The following ST18 variants were observed in gnomAD, a reference collection of about 807,000 sequenced individuals.
The protein encoded by ST18 is suppression of tumorigenicity 18 protein.
Under a neutral mutation model 110.0 loss-of-function variants are expected in ST18, and 50 were observed. The observed-to-expected ratio is 0.45, with a 90% CI of 0.36 to 0.58. The LOEUF (loss-of-function observed/expected upper bound fraction) is 0.58. Among genes scored for constraint, ST18 ranks in the 20% least tolerant of loss-of-function variants. The probability of loss-of-function intolerance (pLI) is 0.00; values close to 1 mark genes in which losing one functional copy is unlikely to be tolerated. For synonymous variants in ST18, 461 were observed against 452.4 expected, an observed-to-expected ratio of 1.02 and a Z score of -0.24; for missense variants, 1,306 against 1,280.1, an observed-to-expected ratio of 1.02 and a Z score of -0.31.
At chr8:52,280,441 T>C (rs1279547870) in intron 2 of ST18, among the ~76,000 whole-genome samples, 3 of 152,182 alleles carry the variant, frequency 2.0e-5, no homozygotes, top group South Asian at 2.1e-4. Context: ...ATTTATATTA[T>C]GCATGACATG....
intron 2 of ST18, among the ~76,000 whole-genome samples, chr8:52,274,909 C>T (rs2095190256): frequency 6.6e-6 from 1 of 152,068 alleles, no homozygotes; most frequent in Non-Finnish European, 1.5e-5. Flanking sequence ...GTTTAAACTT[C>T]ATCTTTTTAC....
chr8:52,388,034 T>C (rs1380035346), intron 2 of ST18, among the ~76,000 whole-genome samples: 2 of 146,940 alleles, frequency 1.4e-5, no homozygotes, highest in African/African-American at 5.0e-5. Context: ...GGGGTCTATG[T>C]TTGCAGGGGA....
At chr8:52,153,459 G>A (rs188399758) in intron 15 of ST18, among the ~76,000 whole-genome samples, 113 of 152,322 alleles carry the variant, frequency 7.4e-4, no homozygotes, top group Non-Finnish European at 1.2e-3. Flanking sequence ...TGAAAGCTAT[G>A]TTAAATATGT....
At chr8:52,224,008 C>G (rs1397928037) in intron 3 of ST18, among the ~76,000 whole-genome samples, 1 of 152,138 alleles carries the variant, frequency 6.6e-6, no homozygotes, top group Non-Finnish European at 1.5e-5. Context: ...CCTTGAGAAC[C>G]TATCTCCACA....
At position 52,168,462 on chromosome 8, in the gene ST18, T is replaced by C. The variant is rs116481751; in HGVS notation, c.1070-1476A>G. Among the ~76,000 whole-genome samples, 918 of 152,114 alleles carry C rather than the reference T, an allele frequency of 6.0e-3. 16 individuals carry two copies. Among genetic ancestry groups the C allele is most frequent in the African/African-American group, 0.021 (856 of 41,472 alleles). ...CCTCTGCCATACCATGGCACCCCAG[T>C]TGCTGGATGATAAACAGTCCTAGGC... On this transcript the variant is annotated intron_variant, in intron 10 of 25. Transcript: ENST00000689386.
intron 2 of ST18, among the ~76,000 whole-genome samples, chr8:52,337,523 T>A (rs1590034743): frequency 6.6e-6 from 1 of 152,226 alleles, no homozygotes; most frequent in Non-Finnish European, 1.5e-5. Context: ...CTCAGACTGG[T>A]GATGTATCTA....
At chr8:52,263,615 T>C (rs866585519) in intron 2 of ST18, among the ~76,000 whole-genome samples, 1 of 146,294 alleles carries the variant, frequency 6.8e-6, no homozygotes, top group Non-Finnish European at 1.5e-5. Flanking sequence ...GTTTTGTTTT[T>C]TTTTTTTTTA....
At chr8:52,287,637 G>A (rs2095490655) in intron 2 of ST18, among the ~76,000 whole-genome samples, 1 of 152,184 alleles carries the variant, frequency 6.6e-6, no homozygotes, top group African/African-American at 2.4e-5. Flanking sequence ...GCTATGCAGA[G>A]TGTAAACTGT....
chr8:52,265,957 G>T (rs541974636), intron 2 of ST18, among the ~76,000 whole-genome samples: 2 of 152,188 alleles, frequency 1.3e-5, no homozygotes, highest in African/African-American at 2.4e-5. Context: ...AGGAGGTGAC[G>T]CCAGGAGAGG....
intron 18 of ST18, 120 bp downstream of exon 18, chr8:52,137,300 AC>A (rs1230252848): frequency 3.9e-6 from 4 of 1,021,098 alleles, no homozygotes; most frequent in Non-Finnish European, 5.6e-6. Flanking sequence ...AAGAAAATAA[AC>A]CAAAAACCCA....
At chr8:52,260,082 C>T (rs1182183141) in intron 2 of ST18, among the ~76,000 whole-genome samples, 2 of 152,190 alleles carry the variant, frequency 1.3e-5, no homozygotes, top group Admixed American at 6.5e-5. Context: ...CAGTGATTCG[C>T]TCCATCAGGA....
At chr8:52,382,074 T>C (rs1337838006) in intron 2 of ST18, among the ~76,000 whole-genome samples, 5 of 152,102 alleles carry the variant, frequency 3.3e-5, no homozygotes, top group African/African-American at 7.2e-5. Context: ...GATTCAATAG[T>C]AGTTAGGGAT....
chr8:52,166,080 G>C (rs1241468477), intron 11 of ST18, among the ~76,000 whole-genome samples: 1 of 152,300 alleles, frequency 6.6e-6, no homozygotes, highest in African/African-American at 2.4e-5. Flanking sequence ...GAGGCCAGGA[G>C]GACCATGGTG....
chr8:52,283,046 G>T (rs555063037), intron 2 of ST18, among the ~76,000 whole-genome samples: 3 of 152,184 alleles, frequency 2.0e-5, no homozygotes, highest in Non-Finnish European at 4.4e-5. Context: ...GGTGATCAAG[G>T]TTGGATCAGG....
chr8:52,133,224 T>C lies in ST18; in HGVS notation c.2363+15A>G, dbSNP rs1297572754. 6.2e-7 allele frequency: 1 copy of C among 1,614,082 alleles called. No homozygotes were observed. Among genetic ancestry groups the C allele is most frequent in the African/African-American group, 1.3e-5 (1 of 75,002 alleles). On this transcript the variant is annotated intron_variant, in intron 20 of 25. Transcript: ENST00000689386. ...CAAGCTCATTTCCACATCTCAGAAA[T>C]AAGATCAATCCTACCTTCTGTGGGA...
At chr8:52,342,592 C>A (rs1815619630) in intron 2 of ST18, among the ~76,000 whole-genome samples, 1 of 152,178 alleles carries the variant, frequency 6.6e-6, no homozygotes, top group Admixed American at 6.5e-5. Context: ...CTGGGCAGCA[C>A]ATATCAAATT....
intron 2 of ST18, among the ~76,000 whole-genome samples, chr8:52,295,069 G>A (rs559542974): frequency 2.6e-5 from 4 of 152,318 alleles, no homozygotes; most frequent in Admixed American, 2.6e-4. Context: ...GAGCCTGCCA[G>A]GCAGCAATTC....
At chr8:52,278,329 C>T (rs182399081) in intron 2 of ST18, among the ~76,000 whole-genome samples, 2 of 152,298 alleles carry the variant, frequency 1.3e-5, no homozygotes, top group African/African-American at 2.4e-5. Context: ...AATAAAAACA[C>T]CTTCTTGTGT....
At chr8:52,120,813 T>A (rs2044437782) in intron 23 of ST18, among the ~76,000 whole-genome samples, 1 of 152,140 alleles carries the variant, frequency 6.6e-6, no homozygotes, top group Admixed American at 6.5e-5. Context: ...AGGAGATGAT[T>A]GCTGGAGTCC....
Sources: gnomAD v4.1 joint callset for allele counts (sites outside exome capture counted in the v4.1 genomes callset) on GRCh38, gnomAD v4.1.1 for gene constraint, MANE v1.5 for transcripts, NCBI Gene and HGNC (gene_info 2026-07-23, HGNC 2026-07-21) for gene names.